G3BP2: variants seen among roughly 807,000 people sequenced by gnomAD.
G3BP2 encodes the protein ras GTPase-activating protein-binding protein 2.
Under a neutral mutation model 56.7 loss-of-function variants are expected in G3BP2, and 11 were observed. The ratio of observed to expected loss-of-function variants is 0.19; its 90% CI spans 0.12 to 0.32. The LOEUF (loss-of-function observed/expected upper bound fraction) is 0.32, where lower values mean the gene tolerates loss of function less well. G3BP2 is among the 10% of genes least tolerant of loss of function. The probability of loss-of-function intolerance (pLI) is 1.00; values close to 1 mark genes in which losing one functional copy is unlikely to be tolerated. For missense variants in G3BP2, 340 were observed against 610.9 expected (o/e 0.56, Z 4.67); for synonymous variants, 165 against 191.6 (o/e 0.86, Z 1.15).
chr4:75,705,953 C>G (rs1034916892), intron 3 of G3BP2, among the ~76,000 whole-genome samples: 8 of 152,068 alleles, frequency 5.3e-5, no homozygotes, highest in African/African-American at 9.7e-5. Context: ...TAGTTCTTCC[C>G]ATACACAATA....
Position 75,714,553 on chromosome 4 carries a change from G to A in G3BP2, c.-25+6324C>T, listed in dbSNP as rs529728630. ...AGAGGCAGGAGAATCACTTGAACCC[G>A]GGAGGCGAAGGTTGCAGTGAGCCAA... is the stretch of plus-strand genomic sequence containing the variant. On this transcript the variant is annotated intron_variant, in intron 3 of 3. Coordinates refer to the G3BP2 transcript ENST00000499709. 2.0e-4 allele frequency among the ~76,000 whole-genome samples: 30 copies of A among 152,202 alleles called. 1 individual carries two copies. The South Asian group carries it at 5.2e-3, about 26-fold the overall frequency.
chr4:75,648,843 T>A (rs1578378539), intron 8 of G3BP2, 102 bp from the exon 9 acceptor site: 1 of 650,320 alleles, frequency 1.5e-6, no homozygotes, highest in South Asian at 1.8e-5. Context: ...ACAGTAGTTT[T>A]AAGTTTAGAA....
chr4:75,682,274 G>A (rs1734108842), intron 3 of G3BP2, among the ~76,000 whole-genome samples: 2 of 152,086 alleles, frequency 1.3e-5, no homozygotes, highest in South Asian at 4.1e-4. Flanking sequence ...AATTAGCTGG[G>A]TGTGGTGGCA....
chr4:75,682,407 T>G (rs1734115020), intron 3 of G3BP2, among the ~76,000 whole-genome samples: 1 of 132,134 alleles, frequency 7.6e-6, no homozygotes, highest in East Asian at 2.1e-4. Context: ...AGAGCGAGAC[T>G]CCGTCTCAAA....
At position 75,680,144 on chromosome 4, in the gene G3BP2, T is replaced by C. The variant is rs542806661; in HGVS notation, c.-24-18095A>G. Reference sequence around the variant, plus strand: ...GCACTGTGACACAGAGAAGGGGGCCTGATCAGCAGATATTCTATGTCTTTG... The same window carrying C: ...GCACTGTGACACAGAGAAGGGGGCCCGATCAGCAGATATTCTATGTCTTTG... On this transcript the variant is annotated intron_variant, in intron 3 of 3. Transcript: ENST00000499709. Among the ~76,000 whole-genome samples the C allele has an allele frequency of 1.9e-3, 290 of 152,334 alleles. 1 individual carries two copies. The highest frequency in any genetic ancestry group is 6.6e-3 in the African/African-American group (276 of 41,584).
chr4:75,664,408 C>T (rs1403827885), intron 1 of G3BP2, among the ~76,000 whole-genome samples: 1 of 151,534 alleles, frequency 6.6e-6, no homozygotes, highest in African/African-American at 2.4e-5. Flanking sequence ...AAAACCCCTT[C>T]TCTAGTAAAA....
chr4:75,678,307 T>C (rs1022187605), upstream of G3BP2, among the ~76,000 whole-genome samples: 1 of 83,260 alleles, frequency 1.2e-5, no homozygotes, highest in African/African-American at 4.6e-5. Context: ...TGTGTGTGTG[T>C]GTGTGTGTGT....
intron 3 of G3BP2, among the ~76,000 whole-genome samples, chr4:75,711,207 T>A (rs1010016340): frequency 6.6e-6 from 1 of 151,082 alleles, no homozygotes; most frequent in African/African-American, 2.4e-5. Flanking sequence ...TAATCCCAGC[T>A]ACTTGGGAGG....
chr4:75,719,118 GCGGGCGGAT>G (rs745676234), intron 3 of G3BP2, among the ~76,000 whole-genome samples: 6 of 151,992 alleles, frequency 3.9e-5, no homozygotes, highest in Non-Finnish European at 7.4e-5. Context: ...GGAGGCCGAG[GCGGGCGGAT>G]CACGAGGTCA....
At chr4:75,721,250 CTTT>C (rs568380952) in intron 2 of G3BP2, among the ~76,000 whole-genome samples, 17 of 134,238 alleles carry the variant, frequency 1.3e-4, no homozygotes, top group Middle Eastern at 4.2e-3. Flanking sequence ...CTCAACTAGT[CTTT>C]TTTTTTTTTT....
intron 1 of G3BP2, among the ~76,000 whole-genome samples, chr4:75,723,317 C>T (rs1720254696): frequency 6.6e-6 from 1 of 152,140 alleles, no homozygotes; most frequent in African/African-American, 2.4e-5. Context: ...AGAGGAATGA[C>T]ATGAACAGAT....
chr4:75,685,099 G>A (rs912755675), intron 3 of G3BP2, among the ~76,000 whole-genome samples: 41 of 151,706 alleles, frequency 2.7e-4, no homozygotes, highest in African/African-American at 9.9e-4. Context: ...GGTGAAGGTT[G>A]CACAGAACCT....
At chr4:75,698,552 T>C (rs1719214893) in intron 3 of G3BP2, among the ~76,000 whole-genome samples, 1 of 152,064 alleles carries the variant, frequency 6.6e-6, no homozygotes, top group Non-Finnish European at 1.5e-5. Context: ...AATGCAATAT[T>C]TCCCACCAAT....
At chr4:75,676,163 A>G (rs1733867697), upstream of G3BP2, among the ~76,000 whole-genome samples, 2 of 152,238 alleles carry the variant, frequency 1.3e-5, no homozygotes, top group African/African-American at 4.8e-5. Flanking sequence ...CTTCCCAGGA[A>G]GACTGCAGTG....
rs1038674325 is a variant in G3BP2 at position 75,673,230 on chromosome 4, G to A, written c.-47C>T. On this transcript the variant is annotated 5_prime_UTR_variant, in exon 1 of 12. Coordinates refer to ENST00000359707, the MANE Select transcript of G3BP2 (RefSeq NM_203505.3). Reference sequence around the variant, plus strand: ...CACCTCCAGCCAACGGCGGCGGCGGGTACGTCGCGCGGAGGTCAGAAGAGT... The same window carrying A: ...CACCTCCAGCCAACGGCGGCGGCGGATACGTCGCGCGGAGGTCAGAAGAGT... The A allele has an allele frequency of 1.6e-6, 2 of 1,216,700 alleles. No individual in the cohort carries two copies. The highest frequency in any genetic ancestry group is 2.0e-6 in the Non-Finnish European group (2 of 978,488). 75.4% of individuals were successfully genotyped at this position (1,216,700 alleles called of 1,614,324 possible). A position where few individuals can be genotyped will look rare whatever the true frequency, so the allele number is the denominator to read the frequency against.
Position 75,655,807 on chromosome 4 carries a change from T to C in G3BP2, c.506A>G (p.Glu169Gly). ...TTCATAGTAACCACTGTTAGCATTT[T>C]CTTGCACAGGTTCAGGAGATGGTTG... ...ERQPSPEPVQ[E>G]NANSGYYEAH... is the part of the protein sequence containing the mutation. The change falls in exon 6 of 12, where the codon GAA becomes GGA. Residue 169 changes from glutamate to glycine, a missense_variant. This residue lies in a region of G3BP2 where 224 missense variants were observed against 332.5 expected (regional missense o/e 0.67). Transcript: ENST00000359707. 4 of 1,604,338 alleles carry C rather than the reference T, an allele frequency of 2.5e-6. No homozygotes were observed. The highest frequency in any genetic ancestry group is 3.4e-6 in the Non-Finnish European group (4 of 1,171,110).
At chr4:75,663,753 C>T (rs996685338) in intron 1 of G3BP2, among the ~76,000 whole-genome samples, 7 of 149,116 alleles carry the variant, frequency 4.7e-5, no homozygotes, top group African/African-American at 1.7e-4. Flanking sequence ...CCAGCCACTC[C>T]GGAGGCTGAG....
Position 75,705,041 on chromosome 4 carries a change from A to G in G3BP2, c.-25+15836T>C, listed in dbSNP as rs77851651. 4.2e-3 allele frequency among the ~76,000 whole-genome samples: 626 copies of G among 150,306 alleles called. 1 individual carries two copies. Among genetic ancestry groups the G allele is most frequent in the African/African-American group, 0.014 (579 of 41,072 alleles). On this transcript the variant is annotated intron_variant, in intron 3 of 3. Coordinates refer to the G3BP2 transcript ENST00000499709. ...TCATATGCTTTCTTAAAACATTGAGATTTTTTTTTTAGTTCATCGGCTATC... is the reference window on the plus strand; with the variant it reads ...TCATATGCTTTCTTAAAACATTGAGGTTTTTTTTTTAGTTCATCGGCTATC...
intron 3 of G3BP2, chr4:75,695,036 G>A (rs1050714913): frequency 1.8e-6 from 1 of 558,392 alleles, no homozygotes; most frequent in Non-Finnish European, 2.3e-6. Flanking sequence ...GTATCCAGAA[G>A]ACTCAACCAC....
Sources: gnomAD v4.1 joint callset for allele counts (sites outside exome capture counted in the v4.1 genomes callset) on GRCh38, gnomAD v4.1.1 for gene constraint, gnomAD v4.1.1 regional missense constraint, MANE v1.5 for transcripts, NCBI Gene and HGNC (gene_info 2026-07-23, HGNC 2026-07-21) for gene names.